The following SMCO4 variants were observed in gnomAD, a reference collection of about 807,000 sequenced individuals.
SMCO4 encodes single-pass membrane protein with coiled-coil domains 4.
A neutral mutation model predicts 3.6 loss-of-function variants in SMCO4; 4 were observed. That is an observed-to-expected ratio of 1.11 (90% CI 0.54 to 2.53). The LOEUF (loss-of-function observed/expected upper bound fraction) is 2.53, where lower values mean the gene tolerates loss of function less well. Ranked by LOEUF, SMCO4 falls within the 30% of genes most tolerant of loss-of-function variation. SMCO4 has a pLI of 0.02. For missense variants in SMCO4, 70 were observed against 80.8 expected (o/e 0.87, Z 0.51); for synonymous variants, 36 against 35.3 (o/e 1.02, Z -0.07).
intron 1 of SMCO4, among the ~76,000 whole-genome samples, chr11:93,515,108 T>C (rs1948997173): frequency 6.6e-6 from 1 of 152,156 alleles, no homozygotes; most frequent in African/African-American, 2.4e-5. Context: ...TAATTAAAAC[T>C]CAACTCAGAG....
chr11:93,483,060 T>C (rs1053391592), intron 2 of SMCO4, among the ~76,000 whole-genome samples: 3 of 152,064 alleles, frequency 2.0e-5, no homozygotes, highest in African/African-American at 7.2e-5. Context: ...AAAGGACCCT[T>C]TGAACTCAAC....
At chr11:93,483,698 C>A (rs1324191510) in intron 2 of SMCO4, among the ~76,000 whole-genome samples, 1 of 152,186 alleles carries the variant, frequency 6.6e-6, no homozygotes, top group East Asian at 1.9e-4. Flanking sequence ...GGGTCTCTGT[C>A]CCTTACACTG....
chr11:93,491,225 G>A (rs1948714855), intron 2 of SMCO4, among the ~76,000 whole-genome samples: 1 of 152,216 alleles, frequency 6.6e-6, no homozygotes, highest in Non-Finnish European at 1.5e-5. Context: ...AAGCATGCAA[G>A]CCATCCAATG....
At chr11:93,544,890 A>G (rs2134647756), upstream of SMCO4, among the ~76,000 whole-genome samples, 1 of 152,252 alleles carries the variant, frequency 6.6e-6, no homozygotes, top group East Asian at 1.9e-4. Context: ...CAGTTTATTT[A>G]GCATGTATTT....
intron 2 of SMCO4, among the ~76,000 whole-genome samples, chr11:93,489,416 G>A (rs1948688278): frequency 6.6e-6 from 1 of 152,188 alleles, no homozygotes; most frequent in Non-Finnish European, 1.5e-5. Flanking sequence ...GGGAGATGTT[G>A]GAAGTCTGAA....
At chr11:93,519,763 A>C (rs1949041062) in intron 1 of SMCO4, among the ~76,000 whole-genome samples, 1 of 152,204 alleles carries the variant, frequency 6.6e-6, no homozygotes, top group Non-Finnish European at 1.5e-5. Flanking sequence ...AGTCCTCAGT[A>C]CTTGGGTTGA....
At chr11:93,487,885 C>G (rs892788160) in intron 2 of SMCO4, among the ~76,000 whole-genome samples, 412 of 152,336 alleles carry the variant, frequency 2.7e-3, no homozygotes, top group African/African-American at 9.5e-3. Context: ...TGTTGTCAAA[C>G]AAAGATAAAA....
chr11:93,492,371 A>C (rs1306126595), intron 2 of SMCO4, among the ~76,000 whole-genome samples: 1 of 152,250 alleles, frequency 6.6e-6, no homozygotes, highest in Admixed American at 6.5e-5. Context: ...AATACAAGGC[A>C]GACTCGATGT....
Position 93,528,893 on chromosome 11 carries a change from G to A in SMCO4, c.-154+14383C>T, listed in dbSNP as rs546472488. On this transcript the variant is annotated intron_variant, in intron 1 of 2. Coordinates refer to ENST00000298966, the MANE Select transcript of SMCO4 (RefSeq NM_020179.3). The stretch of plus-strand genomic sequence containing the variant: ...CTCAGAGCCCAGCAAAGATGCCAGG[G>A]CCCACATCCAATACATCCTGTCCAT... 7.0e-4 allele frequency among the ~76,000 whole-genome samples: 107 copies of A among 152,238 alleles called. 1 individual carries two copies. The highest frequency in any genetic ancestry group is 3.2e-4 in the Non-Finnish European group (22 of 68,036).
chr11:93,491,868 C>G (rs995487630), intron 2 of SMCO4, among the ~76,000 whole-genome samples: 1 of 152,124 alleles, frequency 6.6e-6, no homozygotes, highest in Non-Finnish European at 1.5e-5. Flanking sequence ...GGCTAACAGC[C>G]CCTTCTCCCC....
At chr11:93,543,668 T>A (rs1487584600), upstream of SMCO4, among the ~76,000 whole-genome samples, 2 of 152,200 alleles carry the variant, frequency 1.3e-5, no homozygotes, top group Admixed American at 6.5e-5. Context: ...TGTTGATATA[T>A]TTCCTGCTTC....
chr11:93,487,198 C>T lies in SMCO4; in HGVS notation c.-80-7929G>A, dbSNP rs137955768. On this transcript the variant is annotated intron_variant, in intron 2 of 2. Coordinates refer to ENST00000298966, the MANE Select transcript of SMCO4 (RefSeq NM_020179.3). ...GTCCCTGGTATTTAGCCATAACGGG[C>T]CTGTGATCACTTCACTCCAGTCTGC... Among the ~76,000 whole-genome samples the T allele has an allele frequency of 8.5e-4, 130 of 152,232 alleles. 1 individual carries two copies. Among genetic ancestry groups the T allele is most frequent in the Middle Eastern group, 6.8e-3 (2 of 294 alleles).
At chr11:93,548,174 C>A (rs1374046181), upstream of SMCO4, among the ~76,000 whole-genome samples, 1 of 152,184 alleles carries the variant, frequency 6.6e-6, no homozygotes, top group Non-Finnish European at 1.5e-5. Flanking sequence ...AGGTTTTTCA[C>A]AACTCAGAGG....
chr11:93,502,445 C>A (rs549951073), intron 1 of SMCO4, among the ~76,000 whole-genome samples: 5 of 152,252 alleles, frequency 3.3e-5, no homozygotes, highest in African/African-American at 1.2e-4. Flanking sequence ...CTTGCATGGT[C>A]AGAATACTCC....
chr11:93,521,465 C>T (rs1244068395), intron 1 of SMCO4, among the ~76,000 whole-genome samples: 1 of 152,120 alleles, frequency 6.6e-6, no homozygotes, highest in Non-Finnish European at 1.5e-5. Context: ...AGGTAGGTAC[C>T]CTCATCATAC....
intron 1 of SMCO4, chr11:93,535,866 AT>A: frequency 6.2e-7 from 1 of 1,606,792 alleles, no homozygotes; most frequent in Non-Finnish European, 8.5e-7. Context: ...CTGAATTGCT[AT>A]TTTTTCCTTT....
chr11:93,546,990 A>T (rs1180818998), upstream of SMCO4, among the ~76,000 whole-genome samples: 1 of 152,228 alleles, frequency 6.6e-6, no homozygotes, highest in African/African-American at 2.4e-5. Context: ...CACTTTGCTA[A>T]ATCCCGCTTT....
At chr11:93,549,038 T>A in the SMCO4 span, among the ~76,000 whole-genome samples, 1 of 152,082 alleles carries the variant, frequency 6.6e-6, no homozygotes, top group African/African-American at 2.4e-5. Flanking sequence ...AAAGTTGGGG[T>A]TTTTCCGTTT....
At chr11:93,534,201 A>AT (rs1222724629) in intron 1 of SMCO4, among the ~76,000 whole-genome samples, 22 of 121,964 alleles carry the variant, frequency 1.8e-4, no homozygotes, top group African/African-American at 6.3e-4. Flanking sequence ...AAAAAAAAAA[A>AT]AAAAATATAT....
Sources: gnomAD v4.1 joint callset for allele counts (sites outside exome capture counted in the v4.1 genomes callset) on GRCh38, gnomAD v4.1.1 for gene constraint, MANE v1.5 for transcripts, NCBI Gene and HGNC (gene_info 2026-07-23, HGNC 2026-07-21) for gene names.